The following SLC38A5 variants were observed in gnomAD, a reference collection of about 807,000 sequenced individuals.
The protein encoded by SLC38A5 is sodium-coupled neutral amino acid transporter 5.
A neutral mutation model predicts 34.6 loss-of-function variants in SLC38A5; 9 were observed. The observed-to-expected ratio is 0.26, with a 90% CI of 0.16 to 0.45. The LOEUF (loss-of-function observed/expected upper bound fraction) is 0.45. Among genes scored for constraint, SLC38A5 ranks in the 20% least tolerant of loss-of-function variants. The probability of loss-of-function intolerance (pLI) is 1.00; values close to 1 mark genes in which losing one functional copy is unlikely to be tolerated. For missense variants in SLC38A5, 253 were observed against 394.7 expected (o/e 0.64, Z 3.04); for synonymous variants, 157 against 155.6 (o/e 1.01, Z -0.07).
At chrX:48,463,859 GAAAGAA>G (rs1556962563) in intron 8 of SLC38A5, among the ~76,000 whole-genome samples, 2 of 58,471 alleles carry the variant, frequency 3.4e-5, no homozygotes, top group Admixed American at 4.3e-4. Flanking sequence ...GAGAGAGAAA[GAAAGAA>G]AGAAAGAAAG....
chrX:48,469,944 T>C (rs2061502109), intron 1 of SLC38A5: 1 of 111,104 alleles, frequency 9.0e-6, no homozygotes. Flanking sequence ...GGCTCAGTCA[T>C]AGACAGGAGA....
Position 48,465,702 on chromosome X carries a change from A to T in SLC38A5, c.491+313T>A, listed in dbSNP as rs2061471233. Among the ~76,000 whole-genome samples, 3 of 112,133 alleles carry T rather than the reference A, an allele frequency of 2.7e-5. No homozygotes were observed. In the Admixed American group the frequency reaches 2.8e-4, roughly 11 times the overall value. On this transcript the variant is annotated intron_variant, in intron 8 of 16. Coordinates refer to ENST00000620913, the MANE Select transcript of SLC38A5 (RefSeq NM_033518.4). Reference sequence around the variant, plus strand: ...ACAGCAGACGCAGAGTCAAACCCACAGGCAGAGTCTGAGTCCATTGGCTAT... The same window carrying T: ...ACAGCAGACGCAGAGTCAAACCCACTGGCAGAGTCTGAGTCCATTGGCTAT...
chrX:48,460,592 A>G, intron 14 of SLC38A5, 57 bp downstream of exon 14: 1 of 1,108,014 alleles, frequency 9.0e-7, no homozygotes. Flanking sequence ...CCACACATCC[A>G]TGCCTATGCC....
chrX:48,463,257 G>C (rs1374234461), intron 8 of SLC38A5, among the ~76,000 whole-genome samples: 1 of 112,601 alleles, frequency 8.9e-6, no homozygotes, highest in East Asian at 2.8e-4. Flanking sequence ...GACTTCGCAA[G>C]TGGTTGCACA....
intron 9 of SLC38A5, among the ~76,000 whole-genome samples, 177 bp from the exon 10 acceptor site, chrX:48,462,468 G>A (rs1602024654): frequency 9.0e-6 from 1 of 111,141 alleles, no homozygotes; most frequent in Non-Finnish European, 1.9e-5. Flanking sequence ...TTAGCTGGGT[G>A]TGGTGGCGCA....
chrX:48,459,432 C>T, intron 16 of SLC38A5, 104 bp downstream of exon 16: 1 of 744,213 alleles, frequency 1.3e-6, no homozygotes, highest in Non-Finnish European at 1.9e-6. Flanking sequence ...GATGCTCTCC[C>T]AGCCCCCTCC....
intron 9 of SLC38A5, 123 bp downstream of exon 9, chrX:48,462,775 A>G: frequency 3.6e-6 from 2 of 553,325 alleles, no homozygotes. Context: ...AATCTGTTCA[A>G]GCCCACATCA....
intron 14 of SLC38A5, among the ~76,000 whole-genome samples, chrX:48,460,268 C>G (rs2061425418): frequency 9.0e-6 from 1 of 110,819 alleles, no homozygotes; most frequent in African/African-American, 3.3e-5. Flanking sequence ...TTAGTTCTGC[C>G]TCCCCATCTG....
chrX:48,464,386 G>A (rs1366864848), intron 8 of SLC38A5, among the ~76,000 whole-genome samples: 1 of 112,774 alleles, frequency 8.9e-6, no homozygotes, highest in Non-Finnish European at 1.9e-5. Context: ...ACCAATGGGA[G>A]CTAACTATAA....
chrX:48,466,053 G>T lies in SLC38A5; in HGVS notation c.453C>A (p.Pro151=). 1 of 1,204,301 alleles carries T rather than the reference G, an allele frequency of 8.3e-7. No homozygotes were observed. The highest frequency in any genetic ancestry group is 1.1e-6 in the Non-Finnish European group (1 of 891,572). The change falls in exon 8 of 17, where the codon CCC becomes CCA. Residue 151 remains proline, a synonymous_variant. Transcript: ENST00000620913. ...SYLFIIKSEL[P]LVIGTFLYMD... Reference sequence around the variant, plus strand: ...TGTACAGGAAGGTGCCGATAACCAGGGGGAGCTCAGATTTGATGATGAACA... The same window carrying T: ...TGTACAGGAAGGTGCCGATAACCAGTGGGAGCTCAGATTTGATGATGAACA...
At chrX:48,468,688 A>T in intron 2 of SLC38A5, 1 of 225,927 alleles carries the variant, frequency 4.4e-6, no homozygotes, top group Non-Finnish European at 6.4e-6. Flanking sequence ...TAGGGCCTAG[A>T]GGTCTTTTCC....
chrX:48,461,684 C>A, intron 12 of SLC38A5, 34 bp downstream of exon 12: 3 of 1,164,693 alleles, frequency 2.6e-6, no homozygotes, highest in South Asian at 1.9e-5. Flanking sequence ...CACTTGCTGG[C>A]CCATCATTCA....
At position 48,458,863 on chromosome X, in the gene SLC38A5, A is replaced by G; in HGVS notation, c.*70T>C. ...CAGCCACCTCCACATGTTGGGCAGGAGGGACCCTAGGGAGCGGCCCTGACC... is the reference window on the plus strand; with the variant it reads ...CAGCCACCTCCACATGTTGGGCAGGGGGGACCCTAGGGAGCGGCCCTGACC... On this transcript the variant is annotated 3_prime_UTR_variant, in exon 17 of 17. Coordinates refer to ENST00000620913, the MANE Select transcript of SLC38A5 (RefSeq NM_033518.4). 8.9e-7 allele frequency: 1 copy of G among 1,121,653 alleles called. No homozygotes were observed. Among genetic ancestry groups the G allele is most frequent in the East Asian group, 3.3e-5 (1 of 30,037 alleles). The allele number at this position is 1,121,653 out of a possible 1,213,427, so 92.4% of individuals were successfully genotyped here.
chrX:48,466,851 C>T lies in SLC38A5; in HGVS notation c.267G>A (p.Ala89=), dbSNP rs782389027. The T allele has an allele frequency of 4.1e-6, 5 of 1,206,749 alleles. No homozygotes were observed. The East Asian group carries it at 1.2e-4, about 29-fold the overall frequency. The part of the protein sequence containing the change: ...IFFLALLLCI[A]LLSSYSIHLL... The stretch of plus-strand genomic sequence containing the variant: ...GGTGGATGGAGTAGGACGACAGAAG[C>T]GCAATGCACAGCAGCAGGGCCCTGC... Residue 89 remains alanine (A), a synonymous_variant, in exon 6 of 17, where the codon GCG becomes GCA. Coordinates refer to ENST00000620913, the MANE Select transcript of SLC38A5 (RefSeq NM_033518.4).
chrX:48,469,198 T>A (rs2061498962), intron 2 of SLC38A5, 137 bp downstream of exon 2: 1 of 157,540 alleles, frequency 6.3e-6, no homozygotes. Context: ...AAAAAGGACC[T>A]CCCCATACAC....
intron 8 of SLC38A5, among the ~76,000 whole-genome samples, chrX:48,463,609 A>AAAAT (rs1215659474): frequency 9.5e-6 from 1 of 105,535 alleles, no homozygotes; most frequent in Non-Finnish European, 1.9e-5. Context: ...CTGTCTCAAA[A>AAAAT]AAATAAATAA....
chrX:48,463,554 C>T (rs781995802), intron 8 of SLC38A5, among the ~76,000 whole-genome samples: 1 of 109,014 alleles, frequency 9.2e-6, no homozygotes, highest in South Asian at 4.0e-4. Flanking sequence ...TGCAGTGAGC[C>T]GAGATCACGC....
intron 12 of SLC38A5, 49 bp downstream of exon 12, chrX:48,461,669 C>T (rs1237491948): frequency 9.0e-7 from 1 of 1,113,217 alleles, no homozygotes; most frequent in Non-Finnish European, 1.2e-6. Flanking sequence ...TTCTGGTTAC[C>T]ACCCCACTTG....
chrX:48,468,501 C>A, intron 2 of SLC38A5: 1 of 580,937 alleles, frequency 1.7e-6, no homozygotes, highest in Non-Finnish European at 2.1e-6. Flanking sequence ...AGAGCTAATG[C>A]AACCTGTTGA....
Sources: allele counts gnomAD v4.1 joint callset (sites outside exome capture counted in the v4.1 genomes callset), GRCh38; gene constraint gnomAD v4.1.1; transcripts MANE v1.5; gene names NCBI Gene and HGNC (gene_info 2026-07-23, HGNC 2026-07-21).